OSBPL9: variants seen among roughly 807,000 people sequenced by gnomAD.
OSBPL9 encodes oxysterol binding protein like 9.
Under a neutral mutation model 106.6 loss-of-function variants are expected in OSBPL9, and 40 were observed. The ratio of observed to expected loss-of-function variants is 0.38; its 90% CI spans 0.29 to 0.49. The LOEUF (loss-of-function observed/expected upper bound fraction) is 0.49. Among genes scored for constraint, OSBPL9 ranks in the 20% least tolerant of loss-of-function variants. OSBPL9 has a pLI of 0.97. For missense variants in OSBPL9, 609 were observed against 887.2 expected (o/e 0.69, Z 3.98); for synonymous variants, 269 against 295.4 (o/e 0.91, Z 0.92).
rs1646831897 is a variant in OSBPL9, at chr1:51,656,634, C to T, written c.162+4593C>T. ...CCTCTACATTTTTTTTTCCTTCTTCCCCCACTCCTGCTTCTCCTCCCCCTC... is the reference window on the plus strand; with the variant it reads ...CCTCTACATTTTTTTTTCCTTCTTCTCCCACTCCTGCTTCTCCTCCCCCTC... On this transcript the variant is annotated intron_variant, in intron 2 of 23. Transcript: ENST00000428468. 2.0e-5 allele frequency among the ~76,000 whole-genome samples: 3 copies of T among 147,800 alleles called. No individual in the cohort carries two copies. The South Asian group carries it at 6.7e-4, about 33-fold the overall frequency.
intron 4 of OSBPL9, among the ~76,000 whole-genome samples, chr1:51,738,004 T>A (rs1666084559): frequency 6.6e-6 from 1 of 152,044 alleles, no homozygotes; most frequent in Admixed American, 6.6e-5. Flanking sequence ...AACTAAAATA[T>A]ACAGTCATCC....
the OSBPL9 span, chr1:51,560,854 CA>C: frequency 6.6e-6 from 1 of 152,190 alleles, no homozygotes; most frequent in African/African-American, 2.4e-5. Flanking sequence ...AGAGTTTTAC[CA>C]CATCTCTGAT....
At chr1:51,569,261 G>A in the OSBPL9 span, among the ~76,000 whole-genome samples, 1 of 152,180 alleles carries the variant, frequency 6.6e-6, no homozygotes, top group African/African-American at 2.4e-5. Flanking sequence ...GGTCTACGTA[G>A]CTGATGACCT....
At chr1:51,776,765 T>C in intron 14 of OSBPL9, 68 bp from the exon 15 acceptor site, 1 of 1,058,000 alleles carries the variant, frequency 9.5e-7, no homozygotes, top group Non-Finnish European at 1.4e-6. Context: ...GTTTTCTTTT[T>C]TTTTTTTTTA....
chr1:51,638,425 T>C (rs1645585479), intron 1 of OSBPL9, among the ~76,000 whole-genome samples: 1 of 152,122 alleles, frequency 6.6e-6, no homozygotes, highest in Non-Finnish European at 1.5e-5. Flanking sequence ...TCAGGATGGC[T>C]TTAGGAGTCC....
intron 11 of OSBPL9, among the ~76,000 whole-genome samples, chr1:51,763,500 C>T (rs1671954879): frequency 6.6e-6 from 1 of 152,238 alleles, no homozygotes; most frequent in Admixed American, 6.5e-5. Context: ...ACCAAAACCA[C>T]TCTTGAAGAA....
chr1:51,748,283 A>C, intron 6 of OSBPL9, 86 bp from the exon 7 acceptor site: 2 of 1,449,078 alleles, frequency 1.4e-6, no homozygotes, highest in Non-Finnish European at 1.8e-6. Flanking sequence ...ATTTTGGTAA[A>C]ATTCTTTAAA....
At chr1:51,701,018 C>T (rs2148853056) in intron 3 of OSBPL9, among the ~76,000 whole-genome samples, 1 of 152,200 alleles carries the variant, frequency 6.6e-6, no homozygotes, top group African/African-American at 2.4e-5. Flanking sequence ...CGGCTCACTG[C>T]AACCTCTGCC....
At chr1:51,651,639 T>A (rs972628598) in intron 1 of OSBPL9, among the ~76,000 whole-genome samples, 3 of 151,884 alleles carry the variant, frequency 2.0e-5, no homozygotes, top group African/African-American at 7.3e-5. Flanking sequence ...CTGGGAGTGA[T>A]TCTTAAACCT....
intron 2 of OSBPL9, among the ~76,000 whole-genome samples, chr1:51,653,043 G>C (rs1348335438): frequency 6.6e-6 from 1 of 152,130 alleles, no homozygotes; most frequent in Admixed American, 6.5e-5. Flanking sequence ...AAATACCGCT[G>C]AGAAAGACAC....
At chr1:51,564,824 C>T in the OSBPL9 span, among the ~76,000 whole-genome samples, 2 of 152,216 alleles carry the variant, frequency 1.3e-5, no homozygotes, top group African/African-American at 2.4e-5. Flanking sequence ...AGCATAGAGG[C>T]CTGCAGCCTC....
chr1:51,586,821 G>A (rs971982920), intron 1 of OSBPL9, among the ~76,000 whole-genome samples: 4 of 152,094 alleles, frequency 2.6e-5, no homozygotes, highest in African/African-American at 9.7e-5. Flanking sequence ...GACTACTGGT[G>A]GAATCTTCCA....
At chr1:51,717,511 C>T (rs1410609259) in intron 4 of OSBPL9, among the ~76,000 whole-genome samples, 3 of 152,066 alleles carry the variant, frequency 2.0e-5, no homozygotes, top group Admixed American at 2.0e-4. Flanking sequence ...TTTGCTCATC[C>T]CATTTCCCAG....
chr1:51,625,602 C>G (rs902500207), intron 1 of OSBPL9, among the ~76,000 whole-genome samples: 3 of 151,718 alleles, frequency 2.0e-5, no homozygotes, highest in Non-Finnish European at 4.4e-5. Context: ...CTCACCGCAA[C>G]GTCCAGCACC....
At chr1:51,756,173 A>G (rs545153488) in intron 8 of OSBPL9, 147 bp from the exon 9 acceptor site, 1 of 654,186 alleles carries the variant, frequency 1.5e-6, no homozygotes, top group South Asian at 1.9e-5. Context: ...AAGAATGTAC[A>G]CATGGAATTA....
rs762983739 is a variant in OSBPL9, at chr1:51,761,936, T to C, written c.743T>C (p.Leu248Ser). Residue 248 changes from leucine to serine, a missense_variant, in exon 11 of 24, where the codon TTG (leucine) becomes TCG (serine). By Grantham distance (145) the Leu-to-Ser change is moderately radical (BLOSUM62 -2). Around this residue, in one of 5 missense-constraint regions of OSBPL9, gnomAD observed 356 missense variants for 505.8 expected, o/e 0.70. Coordinates refer to ENST00000428468, the MANE Select transcript of OSBPL9 (RefSeq NM_024586.6). ...CCAGTTGGACCTGTGTTGGCTACCTTGGGACATCATCAGACTCCTACACCA... is the reference window on the plus strand; with the variant it reads ...CCAGTTGGACCTGTGTTGGCTACCTCGGGACATCATCAGACTCCTACACCA... ...SLPVGPVLATLGHHQTPTPNS... is the reference protein window; with the variant it reads ...SLPVGPVLATSGHHQTPTPNS... 7 of 1,613,136 alleles carry C rather than the reference T, an allele frequency of 4.3e-6. No individual in the cohort carries two copies. The highest frequency in any genetic ancestry group is 5.9e-6 in the Non-Finnish European group (7 of 1,179,114).
intron 14 of OSBPL9, among the ~76,000 whole-genome samples, chr1:51,774,233 C>T (rs923006561): frequency 5.9e-5 from 9 of 152,076 alleles, no homozygotes; most frequent in African/African-American, 2.2e-4. Context: ...GTATTTGCCA[C>T]AATCAAGTTT....
intron 4 of OSBPL9, among the ~76,000 whole-genome samples, chr1:51,725,872 A>G (rs1663026889): frequency 6.6e-6 from 1 of 152,106 alleles, no homozygotes; most frequent in Non-Finnish European, 1.5e-5. Flanking sequence ...ACTTGTCTGC[A>G]CTGAGCTTCC....
upstream of OSBPL9, chr1:51,617,003 A>G (rs1442103926): frequency 9.3e-6 from 14 of 1,511,312 alleles, no homozygotes; most frequent in South Asian, 1.6e-4. Context: ...GGCACCGCCC[A>G]GGACCCGCCC....
Sources: gnomAD v4.1 joint callset for allele counts (sites outside exome capture counted in the v4.1 genomes callset) on GRCh38, gnomAD v4.1.1 for gene constraint, gnomAD v4.1.1 regional missense constraint, MANE v1.5 for transcripts, NCBI Gene and HGNC (gene_info 2026-07-23, HGNC 2026-07-21) for gene names.